Variants in ATRNL1 observed in about 807,000 individuals in gnomAD.
ATRNL1 encodes the protein attractin like 1, also known as attractin-like protein 1.
A neutral mutation model predicts 182.7 loss-of-function variants in ATRNL1; 95 were observed. The ratio of observed to expected loss-of-function variants is 0.52; its 90% CI spans 0.44 to 0.62. The LOEUF (loss-of-function observed/expected upper bound fraction) is 0.62. ATRNL1 is among the 20% of genes least tolerant of loss of function. ATRNL1 has a pLI of 0.00. For missense variants in ATRNL1, 1,471 were observed against 1,679.5 expected (o/e 0.88, Z 2.17); for synonymous variants, 576 against 568.3 (o/e 1.01, Z -0.19).
chr10:115,618,161 T>G (rs1416375729), intron 26 of ATRNL1, among the ~76,000 whole-genome samples: 2 of 152,208 alleles, frequency 1.3e-5, no homozygotes, highest in Non-Finnish European at 2.9e-5. Flanking sequence ...CTCTTTTCTT[T>G]ATAAATTACC....
intron 26 of ATRNL1, among the ~76,000 whole-genome samples, chr10:115,682,669 TATGATG>T (rs144515513): frequency 1.1e-4 from 16 of 149,958 alleles, no homozygotes; most frequent in Non-Finnish European, 1.5e-4. Context: ...AGATAATACA[TATGATG>T]ATGATGATGA....
chr10:115,192,604 T>G (rs1848209754), intron 8 of ATRNL1, among the ~76,000 whole-genome samples: 1 of 152,130 alleles, frequency 6.6e-6, no homozygotes, highest in Non-Finnish European at 1.5e-5. Flanking sequence ...CATATAAATT[T>G]TAGGATCATT....
chr10:115,428,812 T>C (rs1846020141), intron 21 of ATRNL1, among the ~76,000 whole-genome samples: 1 of 152,124 alleles, frequency 6.6e-6, no homozygotes, highest in South Asian at 2.1e-4. Flanking sequence ...TGAACATTCA[T>C]ATGGTCTTTA....
chr10:115,275,127 C>T (rs1024612821), intron 13 of ATRNL1, among the ~76,000 whole-genome samples: 15 of 152,210 alleles, frequency 9.9e-5, no homozygotes, highest in African/African-American at 1.7e-4. Flanking sequence ...CTTTTCGCTC[C>T]GTAATTGTCC....
intron 26 of ATRNL1, among the ~76,000 whole-genome samples, chr10:115,716,150 A>G (rs1478007272): frequency 6.6e-6 from 1 of 152,212 alleles, no homozygotes; most frequent in Non-Finnish European, 1.5e-5. Flanking sequence ...CTATTCATTT[A>G]TCACACCAGT....
At chr10:115,173,109 G>A (rs1167059871) in intron 8 of ATRNL1, among the ~76,000 whole-genome samples, 1 of 151,924 alleles carries the variant, frequency 6.6e-6, no homozygotes, top group Non-Finnish European at 1.5e-5. Context: ...ATGAGAACAC[G>A]TTGGAGGGTG....
intron 14 of ATRNL1, among the ~76,000 whole-genome samples, chr10:115,281,811 T>C (rs1852373925): frequency 6.6e-6 from 1 of 151,194 alleles, no homozygotes; most frequent in African/African-American, 2.4e-5. Flanking sequence ...AACATTTTGT[T>C]ATATTTTATT....
intron 1 of ATRNL1, among the ~76,000 whole-genome samples, chr10:115,113,914 G>T (rs1408263424): frequency 1.3e-5 from 2 of 152,120 alleles, no homozygotes; most frequent in African/African-American, 4.8e-5. Flanking sequence ...TGGTATCATT[G>T]CTTACAAAAG....
intron 9 of ATRNL1, 121 bp from the exon 10 acceptor site, chr10:115,241,449 GT>G (rs1427297073): frequency 1.7e-5 from 9 of 523,628 alleles, no homozygotes; most frequent in African/African-American, 3.8e-5. Flanking sequence ...TAAAAAATAT[GT>G]TTTTTTCCCC....
intron 26 of ATRNL1, among the ~76,000 whole-genome samples, chr10:115,605,033 T>A (rs1423760781): frequency 2.6e-5 from 4 of 152,180 alleles, no homozygotes; most frequent in Admixed American, 1.3e-4. Context: ...TATTAACTTT[T>A]AATGTAAATT....
chr10:115,215,870 A>G lies in ATRNL1; in HGVS notation c.1522A>G (p.Thr508Ala). ...TGATCTTTATAAATATGAAGTTAAC[A>G]CTAAGACTTGGTGAGTACACAAAAT... ...VDDLYKYEVN[T>A]KTWTILKESG... The change falls in exon 9 of 29, where the codon ACT becomes GCT. Residue 508 changes from threonine (T) to alanine (A), a missense_variant. By Grantham distance (58) the Thr-to-Ala change is moderately conservative (BLOSUM62 0). This residue lies in a region of ATRNL1 where 1,031 missense variants were observed against 1,156.0 expected (regional missense o/e 0.89). Coordinates refer to ENST00000355044, the MANE Select transcript of ATRNL1 (RefSeq NM_207303.4). 1.3e-6 allele frequency: 2 copies of G among 1,562,840 alleles called. No individual in the cohort carries two copies. Among genetic ancestry groups the G allele is most frequent in the Non-Finnish European group, 1.7e-6 (2 of 1,159,444 alleles).
At chr10:115,584,615 T>C (rs1465739829) in intron 26 of ATRNL1, among the ~76,000 whole-genome samples, 1 of 149,178 alleles carries the variant, frequency 6.7e-6, no homozygotes, top group Non-Finnish European at 1.5e-5. Context: ...TCATTTTTTA[T>C]TGCGTCTATT....
chr10:115,697,246 G>GT (rs1183337798), intron 26 of ATRNL1, among the ~76,000 whole-genome samples: 4 of 152,088 alleles, frequency 2.6e-5, no homozygotes, highest in African/African-American at 4.8e-5. Flanking sequence ...TTTTTAGTGT[G>GT]TTTTTTCCTT....
intron 8 of ATRNL1, among the ~76,000 whole-genome samples, chr10:115,205,307 G>A (rs1355786512): frequency 6.6e-6 from 1 of 151,660 alleles, no homozygotes; most frequent in Non-Finnish European, 1.5e-5. Flanking sequence ...TGTGGCAGAT[G>A]TTGCCTTCTA....
At chr10:115,565,638 C>G (rs1411138441) in intron 26 of ATRNL1, among the ~76,000 whole-genome samples, 4 of 152,046 alleles carry the variant, frequency 2.6e-5, no homozygotes, top group African/African-American at 7.2e-5. Flanking sequence ...GAAGCACACA[C>G]TCATCAACTA....
chr10:115,435,871 C>T (rs1380036890), intron 21 of ATRNL1, among the ~76,000 whole-genome samples: 1 of 152,090 alleles, frequency 6.6e-6, no homozygotes, highest in African/African-American at 2.4e-5. Flanking sequence ...GAACACTGTA[C>T]CTTGTTTTAT....
intron 27 of ATRNL1, among the ~76,000 whole-genome samples, chr10:115,816,787 C>T (rs1452329319): frequency 4.6e-5 from 7 of 152,086 alleles, no homozygotes; most frequent in Non-Finnish European, 1.5e-5. Flanking sequence ...ATCATATGCC[C>T]TCATCACTGT....
At chr10:115,130,412 T>C (rs552567071) in intron 5 of ATRNL1, among the ~76,000 whole-genome samples, 2 of 152,244 alleles carry the variant, frequency 1.3e-5, no homozygotes, top group African/African-American at 4.8e-5. Flanking sequence ...GTATTCATTA[T>C]TCCTGAGATG....
chr10:115,266,837 A>G lies in ATRNL1; in HGVS notation c.1813A>G (p.Asn605Asp), dbSNP rs782130587. The G allele has an allele frequency of 1.2e-6, 2 of 1,611,648 alleles. No homozygotes were observed. The highest frequency in any genetic ancestry group is 1.1e-5 in the South Asian group (1 of 90,960). Residue 605 changes from asparagine to aspartate, a missense_variant, in exon 12 of 29, where the codon AAT becomes GAT. Transcript: ENST00000355044. ...TGGGGGATTTTCTAGTGTACTCCTT[A>G]ATGATATCCTTGTATACAAGCCTCC... is the stretch of plus-strand genomic sequence containing the variant. ...IFGGFSSVLL[N>D]DILVYKPPNC...
Sources: gnomAD v4.1 joint callset for allele counts (sites outside exome capture counted in the v4.1 genomes callset) on GRCh38, gnomAD v4.1.1 for gene constraint, gnomAD v4.1.1 regional missense constraint, MANE v1.5 for transcripts, NCBI Gene and HGNC (gene_info 2026-07-23, HGNC 2026-07-21) for gene names.